MYRIP: variants seen among roughly 807,000 people sequenced by gnomAD.
MYRIP encodes the protein rab effector MyRIP.
A neutral mutation model predicts 98.0 loss-of-function variants in MYRIP; 49 were observed. The ratio of observed to expected loss-of-function variants is 0.50; its 90% CI spans 0.40 to 0.63. MYRIP has a LOEUF of 0.63. Among genes scored for constraint, MYRIP ranks in the 30% least tolerant of loss-of-function variants. The pLI, the probability that MYRIP is intolerant of heterozygous loss-of-function variation, is 0.00. For synonymous variants in MYRIP, 404 were observed against 409.5 expected (o/e 0.99, Z 0.16); for missense variants, 1,004 against 1,058.2 (o/e 0.95, Z 0.71).
chr3:39,837,008 G>A (rs1367223054), intron 1 of MYRIP, among the ~76,000 whole-genome samples: 1 of 152,172 alleles, frequency 6.6e-6, no homozygotes, highest in Non-Finnish European at 1.5e-5. Context: ...ACCTAATGCT[G>A]TAAGGTAAGA....
intron 10 of MYRIP, among the ~76,000 whole-genome samples, chr3:40,192,328 C>CATATATATATATATCAT (rs372192317): frequency 5.3e-5 from 2 of 37,840 alleles, no homozygotes; most frequent in Admixed American, 2.5e-4. Flanking sequence ...ATATATATGT[C>CATATATATATATATCAT]ATATATATAT....
At chr3:40,079,864 C>T (rs1042753429) in intron 3 of MYRIP, among the ~76,000 whole-genome samples, 1 of 152,148 alleles carries the variant, frequency 6.6e-6, no homozygotes, top group East Asian at 1.9e-4. Context: ...ATATGTGATT[C>T]CTTTTAAAAA....
At chr3:39,823,897 G>A (rs1941190044) in intron 1 of MYRIP, among the ~76,000 whole-genome samples, 1 of 151,874 alleles carries the variant, frequency 6.6e-6, no homozygotes, top group African/African-American at 2.4e-5. Context: ...TGTTTCCCAT[G>A]CTTTTGAAGT....
chr3:40,115,421 G>T (rs1433554569), intron 3 of MYRIP, among the ~76,000 whole-genome samples: 1 of 152,152 alleles, frequency 6.6e-6, no homozygotes, highest in Non-Finnish European at 1.5e-5. Context: ...TGGCAGGAGA[G>T]AGAATAAGTG....
chr3:40,154,513 T>C (rs551154780), intron 4 of MYRIP, among the ~76,000 whole-genome samples: 45 of 152,332 alleles, frequency 3.0e-4, no homozygotes, highest in African/African-American at 1.1e-3. Context: ...AGTGCTCACA[T>C]GGCTTCTCTA....
chr3:40,165,156 GC>G (rs1259119073), intron 5 of MYRIP, among the ~76,000 whole-genome samples: 3 of 152,352 alleles, frequency 2.0e-5, no homozygotes, highest in Admixed American at 1.3e-4. Flanking sequence ...TATCGCATAG[GC>G]TCTAGTTATC....
At chr3:39,825,998 C>T (rs1455323301) in intron 1 of MYRIP, among the ~76,000 whole-genome samples, 3 of 151,912 alleles carry the variant, frequency 2.0e-5, no homozygotes, top group Non-Finnish European at 4.4e-5. Context: ...TCTCATGAGC[C>T]TTTGCATTTT....
rs1295717823 is a variant in MYRIP at position 40,033,791 on chromosome 3, T to G, written c.111-10259T>G. The stretch of plus-strand genomic sequence containing the variant: ...CAATCCTAAGCCAAAAGAACAAAGC[T>G]GGAGGCATCACGCTACCTGACTTCA... On this transcript the variant is annotated intron_variant, in intron 2 of 16. Coordinates refer to ENST00000302541, the MANE Select transcript of MYRIP (RefSeq NM_015460.4). Among the ~76,000 whole-genome samples, 3 of 152,234 alleles carry G rather than the reference T, an allele frequency of 2.0e-5. No individual in the cohort carries two copies. The East Asian group carries it at 5.8e-4, about 29-fold the overall frequency.
At chr3:40,056,854 A>C (rs1947895655) in intron 3 of MYRIP, among the ~76,000 whole-genome samples, 1 of 152,308 alleles carries the variant, frequency 6.6e-6, no homozygotes, top group African/African-American at 2.4e-5. Flanking sequence ...TTGGAATTAC[A>C]GACTCTGGAA....
chr3:39,847,913 C>T (rs984484141), intron 1 of MYRIP, among the ~76,000 whole-genome samples: 1 of 152,158 alleles, frequency 6.6e-6, no homozygotes, highest in Admixed American at 6.5e-5. Context: ...TATGAGTAAA[C>T]CTGGGCATGA....
chr3:40,122,536 A>C (rs980428119), intron 3 of MYRIP, among the ~76,000 whole-genome samples: 1 of 151,860 alleles, frequency 6.6e-6, no homozygotes, highest in Non-Finnish European at 1.5e-5. Flanking sequence ...TTTTTTCTAC[A>C]CATTTTTTTC....
At chr3:40,235,355 GA>G (rs1952797991) in intron 12 of MYRIP, among the ~76,000 whole-genome samples, 1 of 152,084 alleles carries the variant, frequency 6.6e-6, no homozygotes, top group South Asian at 2.1e-4. Context: ...CATAATGCTT[GA>G]AAAAAAGTAC....
At chr3:39,853,047 G>A (rs1005516265) in intron 1 of MYRIP, among the ~76,000 whole-genome samples, 2 of 152,210 alleles carry the variant, frequency 1.3e-5, no homozygotes, top group African/African-American at 4.8e-5. Flanking sequence ...CTCCCAGAGT[G>A]CTGGGATTAC....
intron 1 of MYRIP, among the ~76,000 whole-genome samples, chr3:39,860,243 A>G (rs181523970): frequency 1.9e-3 from 285 of 152,294 alleles, no homozygotes; most frequent in Non-Finnish European, 3.0e-3. Context: ...TGCTCTTGCC[A>G]CAGACCTCTG....
At chr3:39,948,734 A>G (rs1374230731) in intron 2 of MYRIP, among the ~76,000 whole-genome samples, 2 of 152,072 alleles carry the variant, frequency 1.3e-5, no homozygotes, top group East Asian at 1.9e-4. Flanking sequence ...TTAGAGCAAT[A>G]TTTGAAGAGA....
At chr3:39,986,202 A>T (rs1436143122) in intron 2 of MYRIP, among the ~76,000 whole-genome samples, 1 of 152,180 alleles carries the variant, frequency 6.6e-6, no homozygotes, top group Non-Finnish European at 1.5e-5. Flanking sequence ...TGGATATCCA[A>T]GCATTAAGGG....
At chr3:40,025,698 G>A (rs1947111466) in intron 2 of MYRIP, among the ~76,000 whole-genome samples, 1 of 152,078 alleles carries the variant, frequency 6.6e-6, no homozygotes, top group Non-Finnish European at 1.5e-5. Flanking sequence ...GCCACGGAGG[G>A]TGTCATCACA....
At chr3:40,095,870 T>C (rs564331215) in intron 3 of MYRIP, among the ~76,000 whole-genome samples, 27 of 151,224 alleles carry the variant, frequency 1.8e-4, no homozygotes, top group Non-Finnish European at 3.1e-4. Context: ...CACTTGTCCT[T>C]CCCTCCTTCT....
At chr3:40,244,397 C>A (rs1315096403) in intron 12 of MYRIP, 49 bp from the exon 13 acceptor site, 11 of 1,536,472 alleles carry the variant, frequency 7.2e-6, no homozygotes, top group African/African-American at 1.4e-5. Context: ...GACCCCCAAC[C>A]AGTCCCAAGT....
Sources: allele counts gnomAD v4.1 joint callset (sites outside exome capture counted in the v4.1 genomes callset), GRCh38; gene constraint gnomAD v4.1.1; transcripts MANE v1.5; gene names NCBI Gene and HGNC (gene_info 2026-07-23, HGNC 2026-07-21).